Variants in CIC observed in about 807,000 individuals in gnomAD.
CIC encodes capicua transcriptional repressor, also known as protein capicua homolog.
In CIC, 18 loss-of-function variants were observed where a neutral mutation model predicts 115.7. The observed-to-expected ratio is 0.16, with a 90% CI of 0.11 to 0.23. The LOEUF (loss-of-function observed/expected upper bound fraction) is 0.23, where lower values mean the gene tolerates loss of function less well. Among genes scored for constraint, CIC ranks in the 10% least tolerant of loss-of-function variants. The pLI is 1.00. For synonymous variants in CIC, 1,076 were observed against 923.0 expected (o/e 1.17, Z -3.01); for missense variants, 2,000 against 2,159.3 (o/e 0.93, Z 1.46).
rs936702492 is a variant in CIC, at chr19:42,290,443, G to A, written c.4402G>A (p.Ala1468Thr). The change falls in exon 11 of 21, where the codon GCC becomes ACC. Residue 1468 changes from alanine to threonine, a missense_variant. Physicochemically the swap from Ala to Thr is moderately conservative, Grantham distance 58. This residue lies in a region of CIC where 1,466 missense variants were observed against 1,390.4 expected (regional missense o/e 1.05). Coordinates refer to ENST00000681038, the MANE Select transcript of CIC (RefSeq NM_001386298.1). ...CTCACTGGGCTCAGGAACCTTCAAG[G>A]CCCAGGAGTCTGGTCAGGGCAGCAC... ...SFSLGSGTFK[A>T]QESGQGSTAG... 6.2e-7 allele frequency: 1 copy of A among 1,613,946 alleles called. No individual in the cohort carries two copies. The highest frequency in any genetic ancestry group is 8.5e-7 in the Non-Finnish European group (1 of 1,179,938).
chr19:42,295,143 G>GGGGCGCCCCCCC lies in CIC; in HGVS notation c.7506_7507insGGGCGCCCCCCC (p.Gln2502_Pro2503insGlyArgProPro). On this transcript the variant is annotated inframe_insertion, in exon 21 of 21. Transcript: ENST00000681038. Reference sequence around the variant, plus strand: ...AGCCTGGCTGGGAGGGGGCTCCCCAGCCCTCCCCCCCACCCCCAGGTCCCT... The same window carrying GGGGCGCCCCCCC: ...AGCCTGGCTGGGAGGGGGCTCCCCAGGGGCGCCCCCCCCCCTCCCCCCCACCCCCAGGTCCCT... The GGGGCGCCCCCCC allele has an allele frequency of 1.4e-6, 2 of 1,382,732 alleles. No homozygotes were observed. The highest frequency in any genetic ancestry group is 1.9e-6 in the Non-Finnish European group (2 of 1,037,820). 85.7% of individuals were successfully genotyped at this position (1,382,732 alleles called of 1,614,324 possible).
rs2037201981 is a variant in CIC, at chr19:42,280,815, G to T, written c.2795-5956G>T. 6.6e-6 allele frequency among the ~76,000 whole-genome samples: 1 copy of T among 151,844 alleles called. No individual in the cohort carries two copies. The highest frequency in any genetic ancestry group is 1.5e-5 in the Non-Finnish European group (1 of 67,918). On this transcript the variant is annotated intron_variant, in intron 2 of 20. Transcript: ENST00000681038. This position sits in a 1 kb window ranked among gnomAD's most constrained non-coding sequence, Gnocchi z 4.9. Reference sequence around the variant, plus strand: ...CCCCCTCCTCTGCTCGGGCCTTGGCGCCTCCCTCAGCCCGCGCCGACCAAC... The same window carrying T: ...CCCCCTCCTCTGCTCGGGCCTTGGCTCCTCCCTCAGCCCGCGCCGACCAAC...
chr19:42,284,701 G>T, intron 2 of CIC: 2 of 1,547,082 alleles, frequency 1.3e-6, no homozygotes, highest in Admixed American at 1.9e-5. Flanking sequence ...CCCTGCGCCG[G>T]ACCATGTATT....
At chr19:42,291,960 A>G in intron 12 of CIC, 126 bp from the exon 13 acceptor site, 4 of 1,445,638 alleles carry the variant, frequency 2.8e-6, no homozygotes, top group African/African-American at 1.4e-5. Context: ...CATCTTGCCC[A>G]TCCTGTTCTC....
rs775842770 is a variant in CIC at position 42,292,093 on chromosome 19, A to G, written c.5621A>G (p.Gln1874Arg). Residue 1874 changes from glutamine (Q) to arginine (R), a missense_variant, in exon 13 of 21, where the codon CAG becomes CGG. Transcript: ENST00000681038. ...NGAQPPSKII[Q>R]LTPVPVSTPS... ...GGGTGCCCTTCTCCACAGATCATCC[A>G]GCTGACCCCGGTGCCTGTGAGCACA... 1.9e-6 allele frequency: 3 copies of G among 1,613,840 alleles called. No individual in the cohort carries two copies. Among genetic ancestry groups the G allele is most frequent in the Non-Finnish European group, 2.5e-6 (3 of 1,179,998 alleles).
chr19:42,283,372 T>A (rs1428626755), intron 2 of CIC, among the ~76,000 whole-genome samples: 1 of 151,910 alleles, frequency 6.6e-6, no homozygotes, highest in Non-Finnish European at 1.5e-5. Context: ...AGATGGGTGA[T>A]GTGAACAGGA....
chr19:42,279,445 G>A (rs1441677815), intron 2 of CIC, among the ~76,000 whole-genome samples: 3 of 151,256 alleles, frequency 2.0e-5, no homozygotes, highest in Non-Finnish European at 4.4e-5. Flanking sequence ...GGAGGATCAG[G>A]TAGGTTTCTC....
At position 42,293,162 on chromosome 19, in the gene CIC, C is replaced by G. The variant is rs1404666987; in HGVS notation, c.6403C>G (p.Gln2135Glu). 1.0e-5 allele frequency: 16 copies of G among 1,604,714 alleles called. No homozygotes were observed. The highest frequency in any genetic ancestry group is 1.4e-5 in the Non-Finnish European group (16 of 1,176,524). The change falls in exon 16 of 21, where the codon CAG becomes GAG. Residue 2135 changes from glutamine to glutamate, a missense_variant. Physicochemically the swap from Gln to Glu is conservative, Grantham distance 29. Around this residue, in one of 8 missense-constraint regions of CIC, gnomAD observed 1,466 missense variants for 1,390.4 expected, o/e 1.05. Coordinates refer to ENST00000681038, the MANE Select transcript of CIC (RefSeq NM_001386298.1). Reference protein sequence around the residue: ...PTAPESELEGQPTPPAPPPLP... With the variant: ...PTAPESELEGEPTPPAPPPLP... ...TGCCCCAGAGTCTGAGCTTGAGGGG[C>G]AGCCCACACCACCAGCCCCTCCACC...
chr19:42,289,859 T>G lies in CIC; in HGVS notation c.4099T>G (p.Phe1367Val). The change falls in exon 10 of 21, where the codon TTC becomes GTC. Residue 1367 changes from phenylalanine (F) to valine (V), a missense_variant. Physicochemically the swap from Phe to Val is conservative, Grantham distance 50 (BLOSUM62 -1). Coordinates refer to ENST00000681038, the MANE Select transcript of CIC (RefSeq NM_001386298.1). Reference sequence around the variant, plus strand: ...CTCCACTCCCTCAGCTGACGATGGCTTCGGCACCACTGACATTGATCTCAA... The same window carrying G: ...CTCCACTCCCTCAGCTGACGATGGCGTCGGCACCACTGACATTGATCTCAA... ...GDDDVIADDG[F>V]GTTDIDLKCK... 2 of 1,603,818 alleles carry G rather than the reference T, an allele frequency of 1.2e-6. No homozygotes were observed. Among genetic ancestry groups the G allele is most frequent in the Non-Finnish European group, 1.7e-6 (2 of 1,175,438 alleles).
At chr19:42,294,115 T>G (rs2038349364) in intron 18 of CIC, 26 bp downstream of exon 18, 1 of 1,613,154 alleles carries the variant, frequency 6.2e-7, no homozygotes, top group Admixed American at 1.7e-5. Flanking sequence ...GCACCCAGGG[T>G]CCTTAGGTGG....
chr19:42,294,358 C>G (rs2038365673), intron 19 of CIC, 54 bp downstream of exon 19: 10 of 1,606,394 alleles, frequency 6.2e-6, no homozygotes, highest in Non-Finnish European at 8.5e-6. Flanking sequence ...AGGAGTGGGT[C>G]TCTGGAAGGC....
At chr19:42,290,102 T>C in intron 10 of CIC, 131 bp from the exon 11 acceptor site, 1 of 1,454,246 alleles carries the variant, frequency 6.9e-7, no homozygotes, top group South Asian at 1.1e-5. Context: ...TCAGGATGAA[T>C]TGAGGCCTTC....
At position 42,274,156 on chromosome 19, in the gene CIC, G is replaced by GAC; in HGVS notation, c.2374_2375dup (p.Ser793ProfsTer158). 1 of 399,288 alleles carries GAC rather than the reference G, an allele frequency of 2.5e-6. No homozygotes were observed. Among genetic ancestry groups the GAC allele is most frequent in the Non-Finnish European group, 4.4e-6 (1 of 226,496 alleles). The allele number at this position is 399,288 out of a possible 1,614,324, so 24.7% of individuals were successfully genotyped here. ...TGCTGTTGCCACCCCCTGCCGGCCT[G>GAC]ACCTCGGATCCAGGGCCCTCTGTGC... On this transcript the variant is annotated frameshift_variant, in exon 2 of 21. Transcript: ENST00000681038. LOFTEE classifies it high-confidence loss of function.
At position 42,292,367 on chromosome 19, in the gene CIC, G is replaced by T. The variant is rs1373913850; in HGVS notation, c.5803G>T (p.Ala1935Ser). ...PLGTSPASSQ[A>S]GTVTSYGPTS... ...GGGTACCAGCCCTGCGTCCAGCCAGGCTGGAACAGTCACCTCGTACGGGCC... is the reference window on the plus strand; with the variant it reads ...GGGTACCAGCCCTGCGTCCAGCCAGTCTGGAACAGTCACCTCGTACGGGCC... The change falls in exon 14 of 21, where the codon GCT (alanine) becomes TCT (serine). Residue 1935 changes from alanine (A) to serine (S), a missense_variant. This residue lies in a region of CIC where 1,466 missense variants were observed against 1,390.4 expected (regional missense o/e 1.05). Transcript: ENST00000681038. 1 of 1,612,814 alleles carries T rather than the reference G, an allele frequency of 6.2e-7. No homozygotes were observed. Among genetic ancestry groups the T allele is most frequent in the Non-Finnish European group, 8.5e-7 (1 of 1,179,896 alleles).
In CIC at chr19:42,293,693, A is replaced by G. The variant is rs1415018218; in HGVS notation, c.6624A>G (p.Pro2208=). Residue 2208 remains proline, a synonymous_variant, in exon 17 of 21, where the codon CCA becomes CCG. Coordinates refer to ENST00000681038, the MANE Select transcript of CIC (RefSeq NM_001386298.1). ...PPTPPSPAPA[P]AVAPGGSSES... is the part of the protein sequence containing the mutation. ...CTCCTCCCAGCCCGGCCCCAGCTCC[A>G]GCTGTAGCCCCTGGTGGCAGCAGCG... 1.2e-6 allele frequency: 2 copies of G among 1,612,698 alleles called. No homozygotes were observed. Among genetic ancestry groups the G allele is most frequent in the African/African-American group, 2.7e-5 (2 of 74,930 alleles).
chr19:42,289,514 C>G, intron 9 of CIC, 108 bp downstream of exon 9: 1 of 1,292,126 alleles, frequency 7.7e-7, no homozygotes, highest in Non-Finnish European at 1.1e-6. Flanking sequence ...TTCTTTTCCA[C>G]TTGGTTTATG....
At chr19:42,291,518 T>A (rs748815636) in intron 11 of CIC, 40 bp from the exon 12 acceptor site, 5 of 1,613,092 alleles carry the variant, frequency 3.1e-6, no homozygotes, top group Non-Finnish European at 4.2e-6. Flanking sequence ...CCTGTTTGGC[T>A]CCCTTGTAAC....
rs1265184268 is a variant in CIC, at chr19:42,290,313, A to C, written c.4272A>C (p.Pro1424=). 6.2e-7 allele frequency: 1 copy of C among 1,613,744 alleles called. No individual in the cohort carries two copies. The highest frequency in any genetic ancestry group is 1.7e-5 in the Admixed American group (1 of 59,976). The change falls in exon 11 of 21, where the codon CCA becomes CCC. Residue 1424 remains proline (P), a synonymous_variant. Coordinates refer to ENST00000681038, the MANE Select transcript of CIC (RefSeq NM_001386298.1). The stretch of plus-strand genomic sequence containing the variant: ...GCCCCCCACTGGACCCTGAGCCCCC[A>C]GGGCCCCCGGATCCTCCTGTAGCCT... ...HCRPPLDPEP[P]GPPDPPVAFG...
chr19:42,286,792 G>A lies in CIC; in HGVS notation c.2816G>A (p.Arg939His), dbSNP rs367972487. ...PGTVWTNVEP[R>H]SVAVFPWHSL... ...ACAGTGTGGACGAATGTGGAACCTC[G>A]CTCTGTGGCTGTGTTCCCTTGGCAC... The change falls in exon 3 of 21, where the codon CGC becomes CAC. Residue 939 changes from arginine to histidine, a missense_variant. This residue lies in a region of CIC where 222 missense variants were observed against 247.7 expected (regional missense o/e 0.90). Coordinates refer to ENST00000681038, the MANE Select transcript of CIC (RefSeq NM_001386298.1). 51 of 1,613,862 alleles carry A rather than the reference G, an allele frequency of 3.2e-5. No homozygotes were observed. The highest frequency in any genetic ancestry group is 5.3e-5 in the African/African-American group (4 of 74,864).
Sources: gnomAD v4.1 joint callset for allele counts (sites outside exome capture counted in the v4.1 genomes callset) on GRCh38, gnomAD v4.1.1 for gene constraint, gnomAD v4.1.1 regional missense constraint, Gnocchi (gnomAD v3.1) non-coding constraint, MANE v1.5 for transcripts, NCBI Gene and HGNC (gene_info 2026-07-23, HGNC 2026-07-21) for gene names.